Variants in DIAPH2 observed in about 807,000 individuals in gnomAD.
The protein encoded by DIAPH2 is protein diaphanous homolog 2.
A neutral mutation model predicts 92.7 loss-of-function variants in DIAPH2; 35 were observed. The observed-to-expected ratio is 0.38, with a 90% CI of 0.29 to 0.50. The LOEUF is 0.50. Among genes scored for constraint, DIAPH2 ranks in the 20% least tolerant of loss-of-function variants. The pLI is 0.94. For missense variants in DIAPH2, 701 were observed against 819.5 expected (o/e 0.86, Z 1.77); for synonymous variants, 301 against 280.4 (o/e 1.07, Z -0.73).
chrX:97,216,345 C>T (rs1218771796), intron 22 of DIAPH2, among the ~76,000 whole-genome samples: 2 of 111,599 alleles, frequency 1.8e-5, no homozygotes, highest in Non-Finnish European at 3.8e-5. Context: ...CTGTCTGTTG[C>T]CCAGGCTGGA....
At chrX:97,506,138 CTTTTTTTTTTT>C (rs11385451) in intron 26 of DIAPH2, among the ~76,000 whole-genome samples, 6 of 28,119 alleles carry the variant, frequency 2.1e-4, no homozygotes, top group East Asian at 1.7e-3. Flanking sequence ...TATCTAGTGC[CTTTTTTTTTTT>C]TTTTTTTTTT....
At chrX:96,779,420 T>C (rs1248098258) in intron 4 of DIAPH2, among the ~76,000 whole-genome samples, 2 of 112,240 alleles carry the variant, frequency 1.8e-5, no homozygotes, top group African/African-American at 6.5e-5. Flanking sequence ...AGTTCTACTT[T>C]TCCCCCTAGA....
intron 24 of DIAPH2, among the ~76,000 whole-genome samples, chrX:97,364,107 T>C (rs917592377): frequency 2.7e-5 from 3 of 112,023 alleles, no homozygotes; most frequent in Non-Finnish European, 1.9e-5. Flanking sequence ...AGAGGAAATA[T>C]TGGAGGGAAA....
chrX:97,439,525 G>A (rs1053486691), intron 26 of DIAPH2, among the ~76,000 whole-genome samples: 1 of 109,170 alleles, frequency 9.2e-6, no homozygotes, highest in Non-Finnish European at 1.9e-5. Context: ...AGCCGAGATC[G>A]TGCCATTGCA....
chrX:97,551,719 A>G (rs867804758), intron 26 of DIAPH2, among the ~76,000 whole-genome samples: 2 of 111,519 alleles, frequency 1.8e-5, no homozygotes, highest in Non-Finnish European at 1.9e-5. Flanking sequence ...CTGTAATACT[A>G]TTTTTAGGAG....
intron 26 of DIAPH2, among the ~76,000 whole-genome samples, chrX:97,441,068 G>C (rs939934678): frequency 8.9e-6 from 1 of 111,826 alleles, no homozygotes; most frequent in Admixed American, 9.5e-5. Flanking sequence ...ATTCATTGGT[G>C]ACCTTAGCCA....
chrX:97,189,287 C>T (rs1441079008), intron 22 of DIAPH2, among the ~76,000 whole-genome samples: 5 of 111,139 alleles, frequency 4.5e-5, no homozygotes, highest in Non-Finnish European at 5.7e-5. Context: ...TCAATAACTG[C>T]GCTTGATTAG....
chrX:96,863,709 A>G (rs760089594), intron 4 of DIAPH2, among the ~76,000 whole-genome samples: 4 of 111,195 alleles, frequency 3.6e-5, no homozygotes, highest in African/African-American at 1.3e-4. Flanking sequence ...TTCTGTACCT[A>G]GAGTTTTGTA....
At chrX:97,248,990 A>C (rs2068164579) in intron 23 of DIAPH2, among the ~76,000 whole-genome samples, 1 of 111,588 alleles carries the variant, frequency 9.0e-6, no homozygotes, top group South Asian at 3.8e-4. Context: ...GGAATCCACA[A>C]AAATAACCTT....
At chrX:97,276,263 C>T (rs759550400) in intron 23 of DIAPH2, among the ~76,000 whole-genome samples, 11 of 111,564 alleles carry the variant, frequency 9.9e-5, no homozygotes, top group East Asian at 5.6e-4. Context: ...TGAGGGAGAC[C>T]GTGGGGAGAG....
chrX:96,846,047 G>T (rs1489300829), intron 4 of DIAPH2, among the ~76,000 whole-genome samples: 1 of 108,375 alleles, frequency 9.2e-6, no homozygotes, highest in Non-Finnish European at 1.9e-5. Context: ...TGATCCACCC[G>T]TCTCGGCCTC....
At chrX:97,596,547 G>A (rs1052848840) in intron 26 of DIAPH2, among the ~76,000 whole-genome samples, 1 of 111,782 alleles carries the variant, frequency 8.9e-6, no homozygotes, top group South Asian at 3.8e-4. Context: ...ATTGGATTCA[G>A]GCTGGGTCTC....
At chrX:96,725,012 T>C (rs1484082923) in intron 1 of DIAPH2, among the ~76,000 whole-genome samples, 1 of 111,475 alleles carries the variant, frequency 9.0e-6, no homozygotes, top group Admixed American at 9.5e-5. Context: ...TTACTCCACT[T>C]CAATTATTTA....
In DIAPH2 at chrX:96,758,211, A is replaced by G; in HGVS notation, c.400A>G (p.Thr134Ala). The G allele has an allele frequency of 8.3e-7, 1 of 1,205,794 alleles. No individual in the cohort carries two copies. Among genetic ancestry groups the G allele is most frequent in the Non-Finnish European group, 1.1e-6 (1 of 893,332 alleles). Residue 134 changes from threonine to alanine, a missense_variant, in exon 4 of 27, where the codon ACC becomes GCC. By Grantham distance (58) the Thr-to-Ala change is moderately conservative (BLOSUM62 0). This residue lies in a region of DIAPH2 where 131 missense variants were observed against 145.6 expected (regional missense o/e 0.90). Transcript: ENST00000324765. ...TCCTTTACGAAACAAAGACTTTACCACCAAACGTGAGATGGTTGTCCAGTA... is the reference window on the plus strand; with the variant it reads ...TCCTTTACGAAACAAAGACTTTACCGCCAAACGTGAGATGGTTGTCCAGTA... ...KAPLRNKDFT[T>A]KREMVVQYIS... is the part of the protein sequence containing the mutation.
chrX:97,045,480 T>A (rs2066475487), intron 17 of DIAPH2, among the ~76,000 whole-genome samples: 1 of 111,360 alleles, frequency 9.0e-6, no homozygotes, highest in East Asian at 2.8e-4. Context: ...TGAAATTACT[T>A]TGTGAAAGAG....
chrX:97,205,383 A>G (rs1311969589), intron 22 of DIAPH2, among the ~76,000 whole-genome samples: 2 of 111,985 alleles, frequency 1.8e-5, no homozygotes, highest in Non-Finnish European at 3.8e-5. Context: ...CAGAGTGAAT[A>G]GGCAACCTAC....
intron 24 of DIAPH2, among the ~76,000 whole-genome samples, chrX:97,356,922 G>A (rs2069273468): frequency 9.0e-6 from 1 of 111,423 alleles, no homozygotes; most frequent in African/African-American, 3.3e-5. Flanking sequence ...TTTATGACAA[G>A]CTGAATTTTA....
intron 16 of DIAPH2, among the ~76,000 whole-genome samples, chrX:96,962,300 CATATATATATACAT>C (rs1569436412): frequency 1.6e-5 from 1 of 61,184 alleles, no homozygotes; most frequent in Non-Finnish European, 2.9e-5. Flanking sequence ...TATATATATA[CATATATATATACAT>C]ATATATATAC....
At chrX:97,124,153 G>A (rs1286723520) in intron 21 of DIAPH2, among the ~76,000 whole-genome samples, 1 of 112,093 alleles carries the variant, frequency 8.9e-6, no homozygotes, top group East Asian at 2.8e-4. Context: ...ACAGCAGAGG[G>A]AAAAATATAT....
Sources: gnomAD v4.1 joint callset for allele counts (sites outside exome capture counted in the v4.1 genomes callset) on GRCh38, gnomAD v4.1.1 for gene constraint, gnomAD v4.1.1 regional missense constraint, MANE v1.5 for transcripts, NCBI Gene and HGNC (gene_info 2026-07-23, HGNC 2026-07-21) for gene names.